DIXDC1: variants seen among roughly 807,000 people sequenced by gnomAD.
The protein encoded by DIXDC1 is DIX domain containing 1, also known as dixin.
DIXDC1 carries 64 observed loss-of-function variants against 103.1 expected under a neutral mutation model. That is an observed-to-expected ratio of 0.62 (90% confidence interval 0.51 to 0.76). DIXDC1 has a LOEUF of 0.76. Ranked by LOEUF, DIXDC1 falls within the 30% of genes least tolerant of loss-of-function variation. The pLI is 0.00. For missense variants in DIXDC1, 759 were observed against 834.2 expected (o/e 0.91, Z 1.11); for synonymous variants, 266 against 298.5 (o/e 0.89, Z 1.12).
intron 17 of DIXDC1, among the ~76,000 whole-genome samples, chr11:112,001,280 C>T (rs1161251277): frequency 6.6e-6 from 1 of 152,096 alleles, no homozygotes. Flanking sequence ...AGTGGGTTAG[C>T]CAGATGCCAG....
At chr11:111,971,021 C>A (rs782275379) in intron 3 of DIXDC1, among the ~76,000 whole-genome samples, 7 of 152,062 alleles carry the variant, frequency 4.6e-5, no homozygotes, top group Non-Finnish European at 8.8e-5. Context: ...CTATAAAAAT[C>A]CTAGAAGAAA....
intron 17 of DIXDC1, among the ~76,000 whole-genome samples, chr11:112,010,490 G>T (rs1399403053): frequency 6.6e-6 from 1 of 152,200 alleles, no homozygotes; most frequent in African/African-American, 2.4e-5. Flanking sequence ...AGCCCACATT[G>T]CCAAGGCAAT....
rs117790255 is a variant in DIXDC1 at position 111,947,829 on chromosome 11, A to G, written c.60+10270A>G. On this transcript the variant is annotated intron_variant, in intron 1 of 19. Coordinates refer to ENST00000440460, the MANE Select transcript of DIXDC1 (RefSeq NM_001037954.4). ...ATCTTCAACTAAATTTTTTTCATCA[A>G]TGATTTAATTGAAGACAAACTAGTT... is the stretch of plus-strand genomic sequence containing the variant. Among the ~76,000 whole-genome samples, 3 of 152,288 alleles carry G rather than the reference A, an allele frequency of 2.0e-5. No individual in the cohort carries two copies. In the East Asian group the frequency reaches 5.8e-4, roughly 29 times the overall value.
At chr11:111,996,908 T>G (rs1390411349) in intron 17 of DIXDC1, among the ~76,000 whole-genome samples, 1 of 152,176 alleles carries the variant, frequency 6.6e-6, no homozygotes, top group Non-Finnish European at 1.5e-5. Context: ...GCAAAATGTT[T>G]GCACCATCTA....
chr11:111,990,831 C>T lies in DIXDC1; in HGVS notation c.1114-1584C>T, dbSNP rs141867590. Among the ~76,000 whole-genome samples, 616 of 152,186 alleles carry T rather than the reference C, an allele frequency of 4.0e-3. 7 individuals carry two copies. The highest frequency in any genetic ancestry group is 0.013 in the African/African-American group (556 of 41,506). Reference sequence around the variant, plus strand: ...AAGCAATTCTCCTGACTCAGCCTCCCGAGTAGCTAGGATTACAGGCGTGTG... The same window carrying T: ...AAGCAATTCTCCTGACTCAGCCTCCTGAGTAGCTAGGATTACAGGCGTGTG... On this transcript the variant is annotated intron_variant, in intron 10 of 19. Coordinates refer to ENST00000440460, the MANE Select transcript of DIXDC1 (RefSeq NM_001037954.4).
At chr11:111,942,887 C>T (rs1478815176) in intron 1 of DIXDC1, among the ~76,000 whole-genome samples, 1 of 152,148 alleles carries the variant, frequency 6.6e-6, no homozygotes, top group Non-Finnish European at 1.5e-5. Context: ...GCCTGTTTCT[C>T]TTCATGTTTT....
rs1555174205 is a variant in DIXDC1, at chr11:111,989,041, T to C, written c.1099T>C (p.Leu367=). The C allele has an allele frequency of 1.2e-6, 2 of 1,610,354 alleles. No individual in the cohort carries two copies. The highest frequency in any genetic ancestry group is 8.5e-7 in the Non-Finnish European group (1 of 1,178,604). ...GAAATGTAAACAAGAAGCCAGAAAC[T>C]TACAGGGGATAAAGGTAAAAAAGAA... ...LLKCKQEARN[L]QGIKDALQQR... Residue 367 remains leucine (L), a synonymous_variant, in exon 10 of 20, where the codon TTA becomes CTA. Coordinates refer to ENST00000440460, the MANE Select transcript of DIXDC1 (RefSeq NM_001037954.4).
chr11:111,963,448 T>G (rs1555171230), intron 1 of DIXDC1, among the ~76,000 whole-genome samples: 2 of 152,280 alleles, frequency 1.3e-5, no homozygotes, highest in East Asian at 1.9e-4. Context: ...ATAATGACGA[T>G]TTAATTTATG....
intron 1 of DIXDC1, among the ~76,000 whole-genome samples, chr11:111,929,046 G>T (rs1333290230): frequency 6.6e-6 from 1 of 152,066 alleles, no homozygotes; most frequent in South Asian, 2.1e-4. Flanking sequence ...GGGCATGGTG[G>T]CACGTGCCTG....
In DIXDC1 at chr11:111,977,823, G is replaced by C. The variant is rs1281559225; in HGVS notation, c.656+2840G>C. 1 of 1,546,980 alleles carries C rather than the reference G, an allele frequency of 6.5e-7. No individual in the cohort carries two copies. Among genetic ancestry groups the C allele is most frequent in the African/African-American group, 1.4e-5 (1 of 71,996 alleles). ...AGCTGAAGCCACTCTGGCTTTGGAA[G>C]TGGGGGGCCTGGGTGGGAACAGGGG... On this transcript the variant is annotated intron_variant, in intron 5 of 19. Transcript: ENST00000440460. This position sits in a 1 kb window ranked among gnomAD's most constrained non-coding sequence, Gnocchi z 6.1.
At chr11:111,986,679 TA>T (rs2137563434) in intron 8 of DIXDC1, among the ~76,000 whole-genome samples, 191 bp from the exon 9 acceptor site, 1 of 152,182 alleles carries the variant, frequency 6.6e-6, no homozygotes, top group African/African-American at 2.4e-5. Context: ...ATACTTATTC[TA>T]AGCTTTATCC....
intron 2 of DIXDC1, among the ~76,000 whole-genome samples, chr11:111,966,419 T>G (rs1192788267): frequency 3.4e-5 from 5 of 145,674 alleles, no homozygotes; most frequent in East Asian, 3.9e-4. Flanking sequence ...TTTTTTTTTT[T>G]TTGAGACGGA....
chr11:111,932,690 C>T (rs1385999495), upstream of DIXDC1, among the ~76,000 whole-genome samples: 1 of 152,104 alleles, frequency 6.6e-6, no homozygotes, highest in Non-Finnish European at 1.5e-5. Context: ...TGGCGACATC[C>T]TACTCTAGTC....
intron 1 of DIXDC1, chr11:111,946,726 A>G: frequency 2.3e-6 from 1 of 435,008 alleles, no homozygotes; most frequent in South Asian, 1.7e-5. Context: ...CACAGCAGGA[A>G]CTCATTGAAG....
intron 1 of DIXDC1, among the ~76,000 whole-genome samples, chr11:111,950,090 G>T (rs114817666): frequency 6.6e-6 from 1 of 151,992 alleles, no homozygotes; most frequent in Non-Finnish European, 1.5e-5. Context: ...ACACAATCTA[G>T]CAAGGTGAAA....
At chr11:111,947,669 C>T (rs11601127) in intron 1 of DIXDC1, among the ~76,000 whole-genome samples, 1 of 152,174 alleles carries the variant, frequency 6.6e-6, no homozygotes, top group Non-Finnish European at 1.5e-5. Context: ...AGGCAGCAGC[C>T]TAAAGAAGGA....
At chr11:112,007,602 G>A (rs587670884) in intron 17 of DIXDC1, among the ~76,000 whole-genome samples, 14 of 152,288 alleles carry the variant, frequency 9.2e-5, no homozygotes, top group South Asian at 2.1e-4. Flanking sequence ...GACTAACAGC[G>A]GATCTCTCGA....
intron 15 of DIXDC1, 104 bp from the exon 16 acceptor site, chr11:111,995,299 G>T (rs1018031006): frequency 6.7e-7 from 1 of 1,495,094 alleles, no homozygotes; most frequent in Admixed American, 1.9e-5. Flanking sequence ...GCCTGCTTCT[G>T]TGGGGGAAAA....
chr11:112,014,083 A>G (rs984564606), intron 17 of DIXDC1, among the ~76,000 whole-genome samples: 2 of 152,268 alleles, frequency 1.3e-5, no homozygotes, highest in East Asian at 3.9e-4. Flanking sequence ...ATCTGCCTCC[A>G]TGACCCAAAC....
Sources: gnomAD v4.1 joint callset for allele counts (sites outside exome capture counted in the v4.1 genomes callset) on GRCh38, gnomAD v4.1.1 for gene constraint, Gnocchi (gnomAD v3.1) non-coding constraint, MANE v1.5 for transcripts, NCBI Gene and HGNC (gene_info 2026-07-23, HGNC 2026-07-21) for gene names.